CLEC16A: variants seen among roughly 807,000 people sequenced by gnomAD.
CLEC16A encodes the protein protein CLEC16A.
CLEC16A carries 51 observed loss-of-function variants against 109.5 expected under a neutral mutation model. The ratio of observed to expected loss-of-function variants is 0.47; its 90% CI spans 0.37 to 0.59. The LOEUF is 0.59. Among genes scored for constraint, CLEC16A ranks in the 20% least tolerant of loss-of-function variants. The probability of loss-of-function intolerance (pLI) is 0.00; values close to 1 mark genes in which losing one functional copy is unlikely to be tolerated. For synonymous variants in CLEC16A, 673 were observed against 564.2 expected (o/e 1.19, Z -2.73); for missense variants, 1,339 against 1,394.0 (o/e 0.96, Z 0.63).
At chr16:11,053,153 A>C (rs2048038103) in intron 18 of CLEC16A, among the ~76,000 whole-genome samples, 1 of 152,130 alleles carries the variant, frequency 6.6e-6, no homozygotes, top group Non-Finnish European at 1.5e-5. Context: ...GGCCTCCCAA[A>C]GTGCTGAAAT....
intron 1 of CLEC16A, among the ~76,000 whole-genome samples, chr16:10,955,456 G>A (rs1314064532): frequency 6.6e-6 from 1 of 152,124 alleles, no homozygotes; most frequent in South Asian, 2.1e-4. Flanking sequence ...GGGTACAGAG[G>A]TGCCAGTGAG....
rs984304499 is a variant in CLEC16A, at chr16:11,124,264, C to T, written c.2473+318C>T. ...AGCATATGTTAACAAAGTGCTTTGACGTTACTCTACCACCTCCGATCCTTA... is the reference window on the plus strand; with the variant it reads ...AGCATATGTTAACAAAGTGCTTTGATGTTACTCTACCACCTCCGATCCTTA... On this transcript the variant is annotated intron_variant, in intron 21 of 23. Coordinates refer to ENST00000409790, the MANE Select transcript of CLEC16A (RefSeq NM_015226.3). 5.3e-5 allele frequency among the ~76,000 whole-genome samples: 8 copies of T among 152,320 alleles called. No homozygotes were observed. In the South Asian group the frequency reaches 1.0e-3, roughly 20 times the overall value.
intron 22 of CLEC16A, among the ~76,000 whole-genome samples, chr16:11,149,106 T>C (rs539700489): frequency 1.3e-5 from 2 of 152,324 alleles, no homozygotes; most frequent in South Asian, 4.1e-4. Flanking sequence ...GCCAGTATGT[T>C]AGCAGAGGCC....
chr16:11,123,007 G>A (rs558965975), intron 20 of CLEC16A, among the ~76,000 whole-genome samples: 11 of 146,636 alleles, frequency 7.5e-5, no homozygotes, highest in Non-Finnish European at 1.0e-4. Context: ...GGGTTCAAGC[G>A]ATTCTCCTGC....
In CLEC16A at chr16:10,957,773, T is replaced by G; in HGVS notation, c.81-9T>G. ...AACCTTTAATTTCCTTTTCTCTCAT[T>G]TCTCTCAGGTATCTGTACCACGTTT... is the stretch of plus-strand genomic sequence containing the variant. On this transcript the variant is annotated splice_polypyrimidine_tract_variant and intron_variant, in intron 1 of 23. Coordinates refer to ENST00000409790, the MANE Select transcript of CLEC16A (RefSeq NM_015226.3). 6.2e-7 allele frequency: 1 copy of G among 1,613,782 alleles called. No individual in the cohort carries two copies. Among genetic ancestry groups the G allele is most frequent in the Non-Finnish European group, 8.5e-7 (1 of 1,179,740 alleles).
At chr16:11,144,396 C>T (rs2053967952) in intron 22 of CLEC16A, among the ~76,000 whole-genome samples, 2 of 152,134 alleles carry the variant, frequency 1.3e-5, no homozygotes, top group South Asian at 2.1e-4. Flanking sequence ...CATTCTCCGT[C>T]CTGTACCTCC....
chr16:10,994,115 G>A (rs1330952497), intron 10 of CLEC16A, among the ~76,000 whole-genome samples: 1 of 152,182 alleles, frequency 6.6e-6, no homozygotes, highest in East Asian at 1.9e-4. Context: ...CTTGCTTTAC[G>A]CCTCTGCAGC....
intron 11 of CLEC16A, among the ~76,000 whole-genome samples, chr16:11,010,807 G>A (rs1012313473): frequency 2.6e-5 from 4 of 152,124 alleles, no homozygotes; most frequent in African/African-American, 7.2e-5. Context: ...CCTTTACTCC[G>A]GAACATTTCC....
intron 22 of CLEC16A, among the ~76,000 whole-genome samples, chr16:11,165,105 C>T (rs1473163680): frequency 2.6e-5 from 4 of 152,152 alleles, no homozygotes; most frequent in Admixed American, 1.3e-4. Flanking sequence ...CTGCTTGGCT[C>T]CTAGGGGCTG....
At position 11,003,160 on chromosome 16, in the gene CLEC16A, G is replaced by T. The variant is rs1206912495; in HGVS notation, c.1158G>T (p.Arg386=). ...LEMNKHKGKR[R]VQKRPNYKNV... ...TGAACAAGCACAAGGGCAAGAGGCG[G>T]GTGCAAAAGAGACCCAACTACAAAA... Residue 386 remains arginine (R), a synonymous_variant, in exon 11 of 24, where the codon CGG becomes CGT. Coordinates refer to ENST00000409790, the MANE Select transcript of CLEC16A (RefSeq NM_015226.3). The T allele has an allele frequency of 2.5e-6, 4 of 1,613,420 alleles. No individual in the cohort carries two copies. The highest frequency in any genetic ancestry group is 2.2e-5 in the East Asian group (1 of 44,866).
intron 22 of CLEC16A, among the ~76,000 whole-genome samples, chr16:11,137,236 C>G (rs1215007667): frequency 6.6e-6 from 1 of 151,928 alleles, no homozygotes; most frequent in East Asian, 1.9e-4. Context: ...ACCGCAAGTT[C>G]TCATTAACAG....
At chr16:10,977,976 G>A (rs992097470) in intron 8 of CLEC16A, among the ~76,000 whole-genome samples, 1 of 152,160 alleles carries the variant, frequency 6.6e-6, no homozygotes, top group Non-Finnish European at 1.5e-5. Flanking sequence ...ACAAATGTAG[G>A]GTTTTGGTTT....
In CLEC16A at chr16:11,003,289, G is replaced by T. The variant is rs200082818; in HGVS notation, c.1287G>T (p.Thr429=). The T allele has an allele frequency of 3.1e-6, 5 of 1,611,834 alleles. No homozygotes were observed. Among genetic ancestry groups the T allele is most frequent in the South Asian group, 2.2e-5 (2 of 90,954 alleles). The change falls in exon 11 of 24, where the codon ACG becomes ACT. Residue 429 remains threonine (T), a synonymous_variant. Transcript: ENST00000409790. ...GTEGGSKGIK[T]SGESEEIEMV... ...AGGGTGGTTCAAAAGGCATCAAGAC[G>T]AGTGGGGAGAGTGAAGGTGAGTGTC...
rs2042267341 is a variant in CLEC16A, at chr16:10,961,961, T to G, written c.210-494T>G. On this transcript the variant is annotated intron_variant, in intron 2 of 23. Coordinates refer to ENST00000409790, the MANE Select transcript of CLEC16A (RefSeq NM_015226.3). This position sits in a 1 kb window ranked among gnomAD's most constrained non-coding sequence, Gnocchi z 4.3. The stretch of plus-strand genomic sequence containing the variant: ...AAGCTTTTTGGGAACTTTTTTTTCT[T>G]TTTTTTCTTTTTTTTTTTTTTGGCT... 1.2e-5 allele frequency among the ~76,000 whole-genome samples: 1 copy of G among 86,612 alleles called. No individual in the cohort carries two copies. The highest frequency in any genetic ancestry group is 5.3e-5 in the African/African-American group (1 of 18,726). The allele number at this position is 86,612 out of a possible 152,430, so 56.8% of individuals were successfully genotyped here. A position where few individuals can be genotyped will look rare whatever the true frequency, so the allele number is the denominator to read the frequency against.
chr16:11,047,808 AT>A (rs2047713371), intron 17 of CLEC16A: 1 of 152,326 alleles, frequency 6.6e-6, no homozygotes, highest in Admixed American at 6.5e-5. Context: ...ACAGTTCCAC[AT>A]TGCCGGAGAG....
intron 16 of CLEC16A, among the ~76,000 whole-genome samples, chr16:11,046,861 T>C (rs1263286615): frequency 1.3e-5 from 2 of 152,258 alleles, no homozygotes; most frequent in African/African-American, 4.8e-5. Context: ...GTTAAACTTA[T>C]TTAATTATAC....
At chr16:11,004,758 C>G (rs2044888353) in intron 11 of CLEC16A, among the ~76,000 whole-genome samples, 1 of 151,994 alleles carries the variant, frequency 6.6e-6, no homozygotes, top group Non-Finnish European at 1.5e-5. Context: ...AAATGTCTCT[C>G]TGGTGCCACC....
At chr16:10,974,106 C>T (rs1486426954) in intron 7 of CLEC16A, among the ~76,000 whole-genome samples, 2 of 151,648 alleles carry the variant, frequency 1.3e-5, no homozygotes, top group East Asian at 1.9e-4. Context: ...ACCGTGTTGG[C>T]TAGGCTAGTC....
chr16:11,153,812 A>C (rs1011846663), intron 22 of CLEC16A, among the ~76,000 whole-genome samples: 1 of 152,194 alleles, frequency 6.6e-6, no homozygotes, highest in Non-Finnish European at 1.5e-5. Flanking sequence ...TCAAAACTAC[A>C]AATGCATAAT....
Sources: gnomAD v4.1 joint callset for allele counts (sites outside exome capture counted in the v4.1 genomes callset) on GRCh38, gnomAD v4.1.1 for gene constraint, Gnocchi (gnomAD v3.1) non-coding constraint, MANE v1.5 for transcripts, NCBI Gene and HGNC (gene_info 2026-07-23, HGNC 2026-07-21) for gene names.